Variants in ECT2L observed in about 807,000 individuals in gnomAD.
The protein encoded by ECT2L is epithelial cell-transforming sequence 2 oncogene-like.
Under a neutral mutation model 122.8 loss-of-function variants are expected in ECT2L, and 126 were observed. That is an observed-to-expected ratio of 1.03 (90% CI 0.89 to 1.19). ECT2L has a LOEUF of 1.19. Among genes scored for constraint, ECT2L ranks in the 50% most tolerant of loss-of-function variants. The pLI, the probability that ECT2L is intolerant of heterozygous loss-of-function variation, is 0.00. For missense variants in ECT2L, 1,012 were observed against 1,064.1 expected, an observed-to-expected ratio of 0.95 and a Z score of 0.68; for synonymous variants, 385 against 381.8, an observed-to-expected ratio of 1.01 and a Z score of -0.10.
Position 138,902,660 on chromosome 6 carries a change from C to T in ECT2L, c.*33C>T. ...CTTGAAAACTTCAGGGGTGCCAATT[C>T]TCCCCAGCAAAGACAGACAACATGT... On this transcript the variant is annotated 3_prime_UTR_variant, in exon 22 of 22. Coordinates refer to ENST00000541398, the MANE Select transcript of ECT2L (RefSeq NM_001077706.3). The T allele has an allele frequency of 6.2e-7, 1 of 1,611,452 alleles. No homozygotes were observed. The highest frequency in any genetic ancestry group is 2.2e-5 in the East Asian group (1 of 44,730).
At chr6:138,873,702 G>A (rs139746687) in intron 13 of ECT2L, among the ~76,000 whole-genome samples, 2,294 of 152,284 alleles carry the variant, frequency 0.015, 40 homozygotes, top group African/African-American at 0.048. Context: ...TCTGAGGCAG[G>A]AGAATCCCTT....
At chr6:138,796,656 G>C (rs953042760) in intron 1 of ECT2L, among the ~76,000 whole-genome samples, 12 of 152,186 alleles carry the variant, frequency 7.9e-5, no homozygotes, top group Non-Finnish European at 2.9e-5. Flanking sequence ...GTGAATATAG[G>C]TCTTGGTTAT....
intron 20 of ECT2L, among the ~76,000 whole-genome samples, chr6:138,895,244 G>A (rs562638600): frequency 6.6e-6 from 1 of 152,222 alleles, no homozygotes; most frequent in South Asian, 2.1e-4. Context: ...TTTTTACTTA[G>A]AGGAAACATA....
intron 10 of ECT2L, among the ~76,000 whole-genome samples, chr6:138,860,707 ATTTT>A (rs35611410): frequency 2.7e-3 from 361 of 135,756 alleles, no homozygotes; most frequent in Non-Finnish European, 3.7e-3. Context: ...TGAAGGGGCT[ATTTT>A]TTTTTTTTTT....
chr6:138,880,455 T>G (rs1778607047), intron 14 of ECT2L, among the ~76,000 whole-genome samples: 1 of 152,152 alleles, frequency 6.6e-6, no homozygotes, highest in Admixed American at 6.5e-5. Flanking sequence ...ACACCTGAAT[T>G]TTGGAGGGGA....
Position 138,901,108 on chromosome 6 carries a change from C to A in ECT2L, c.2575C>A (p.Pro859Thr). The A allele has an allele frequency of 6.2e-7, 1 of 1,613,914 alleles. No individual in the cohort carries two copies. Among genetic ancestry groups the A allele is most frequent in the African/African-American group, 1.3e-5 (1 of 75,024 alleles). Residue 859 changes from proline (P) to threonine (T), a missense_variant, in exon 21 of 22, where the codon CCA becomes ACA. Transcript: ENST00000541398. ...TCATCGGTTACTCATAGAAAATATT[C>A]CAGATTCCAAGTGTATGTATTCTTT... ...ALHRLLIENI[P>T]DSKYVKNAFI...
chr6:138,849,451 G>A lies in ECT2L; in HGVS notation c.1069+17G>A. On this transcript the variant is annotated intron_variant, in intron 9 of 21. Transcript: ENST00000541398. The stretch of plus-strand genomic sequence containing the variant: ...TACTCCAAGGTAGGCCTGGGGATTG[G>A]CGGATGAACAACCATGGAACTTCGC... The A allele has an allele frequency of 1.2e-6, 2 of 1,606,972 alleles. No individual in the cohort carries two copies. The highest frequency in any genetic ancestry group is 1.7e-4 in the Middle Eastern group (1 of 5,938).
At chr6:138,856,514 A>G (rs1050927894) in intron 10 of ECT2L, among the ~76,000 whole-genome samples, 1 of 152,150 alleles carries the variant, frequency 6.6e-6, no homozygotes, top group Non-Finnish European at 1.5e-5. Context: ...CACCTGGCCC[A>G]GCAATTCTTT....
chr6:138,883,466 A>G (rs1778710441), intron 16 of ECT2L, among the ~76,000 whole-genome samples: 1 of 152,108 alleles, frequency 6.6e-6, no homozygotes, highest in South Asian at 2.1e-4. Flanking sequence ...TTCCCTCCTC[A>G]ATTGGTATCG....
chr6:138,855,216 A>C (rs1582619227), intron 10 of ECT2L, among the ~76,000 whole-genome samples: 2 of 152,204 alleles, frequency 1.3e-5, no homozygotes, highest in East Asian at 1.9e-4. Flanking sequence ...ATTTATGTAG[A>C]AAATATGCTG....
At chr6:138,852,569 C>G (rs559114710) in intron 9 of ECT2L, among the ~76,000 whole-genome samples, 18 of 152,148 alleles carry the variant, frequency 1.2e-4, no homozygotes, top group Non-Finnish European at 2.4e-4. Context: ...AGACACCCGT[C>G]AAATTGCCAT....
intron 10 of ECT2L, among the ~76,000 whole-genome samples, chr6:138,854,950 T>C (rs1777565511): frequency 6.6e-6 from 1 of 152,164 alleles, no homozygotes; most frequent in South Asian, 2.1e-4. Context: ...GGAGAGGGAA[T>C]GTGAAATTAA....
Position 138,885,566 on chromosome 6 carries a change from A to T in ECT2L, c.2089A>T (p.Thr697Ser). 6.2e-7 allele frequency: 1 copy of T among 1,614,216 alleles called. No individual in the cohort carries two copies. The highest frequency in any genetic ancestry group is 2.2e-5 in the East Asian group (1 of 44,886). Reference protein sequence around the residue: ...FLKRHDKTIVTKMLSLPELLL... With the variant: ...FLKRHDKTIVSKMLSLPELLL... Reference sequence around the variant, plus strand: ...GAAGAGGCATGATAAGACCATTGTTACCAAAATGCTGAGGTACGTTCTGAG... The same window carrying T: ...GAAGAGGCATGATAAGACCATTGTTTCCAAAATGCTGAGGTACGTTCTGAG... The change falls in exon 17 of 22, where the codon ACC becomes TCC. Residue 697 changes from threonine to serine, a missense_variant. Physicochemically the swap from Thr to Ser is moderately conservative, Grantham distance 58. Coordinates refer to ENST00000541398, the MANE Select transcript of ECT2L (RefSeq NM_001077706.3).
intron 4 of ECT2L, among the ~76,000 whole-genome samples, chr6:138,826,449 A>C (rs1776455212): frequency 6.6e-6 from 1 of 152,126 alleles, no homozygotes; most frequent in African/African-American, 2.4e-5. Context: ...GCGCTTTGGG[A>C]GGCCGAGGCG....
intron 9 of ECT2L, 119 bp downstream of exon 9, chr6:138,849,553 G>T: frequency 6.3e-6 from 7 of 1,109,394 alleles, no homozygotes; most frequent in East Asian, 3.0e-5. Flanking sequence ...TGATTTTTTG[G>T]CTTTATGAAA....
Position 138,849,448 on chromosome 6 carries a change from T to G in ECT2L, c.1069+14T>G. On this transcript the variant is annotated intron_variant, in intron 9 of 21. Coordinates refer to ENST00000541398, the MANE Select transcript of ECT2L (RefSeq NM_001077706.3). ...ATTTACTCCAAGGTAGGCCTGGGGA[T>G]TGGCGGATGAACAACCATGGAACTT... 1 of 1,608,598 alleles carries G rather than the reference T, an allele frequency of 6.2e-7. No individual in the cohort carries two copies. The highest frequency in any genetic ancestry group is 2.2e-5 in the East Asian group (1 of 44,658).
At chr6:138,827,126 A>G (rs1367673648) in intron 4 of ECT2L, among the ~76,000 whole-genome samples, 1 of 152,188 alleles carries the variant, frequency 6.6e-6, no homozygotes, top group African/African-American at 2.4e-5. Flanking sequence ...ACGTGGGCGG[A>G]TCATGAGGTC....
intron 11 of ECT2L, among the ~76,000 whole-genome samples, chr6:138,864,785 G>C (rs1434732115): frequency 2.0e-5 from 3 of 152,180 alleles, no homozygotes; most frequent in African/African-American, 7.2e-5. Context: ...TCAAAGAGTA[G>C]ACATGCATTT....
chr6:138,880,939 C>T lies in ECT2L; in HGVS notation c.1666-18C>T, dbSNP rs546032379. On this transcript the variant is annotated intron_variant, in intron 14 of 21. Transcript: ENST00000541398. ...TACTTCTCCATCACTGACTTGAGTT[C>T]TTAACACTTCTCTACAGGAGAGAAT... 4.2e-5 allele frequency: 67 copies of T among 1,609,256 alleles called. 1 individual carries two copies. In the South Asian group the frequency reaches 6.9e-4, roughly 17 times the overall value.
Sources: gnomAD v4.1 joint callset for allele counts (sites outside exome capture counted in the v4.1 genomes callset) on GRCh38, gnomAD v4.1.1 for gene constraint, MANE v1.5 for transcripts, NCBI Gene and HGNC (gene_info 2026-07-23, HGNC 2026-07-21) for gene names.